The following C16orf89 variants were observed in gnomAD, a reference collection of about 807,000 sequenced individuals.
The protein encoded by C16orf89 is chromosome 16 open reading frame 89.
In C16orf89, 57 loss-of-function variants were observed where a neutral mutation model predicts 41.5. The observed-to-expected ratio is 1.38, with a 90% CI of 1.11 to 1.71. The LOEUF is 1.71. C16orf89 is among the 40% of genes most tolerant of loss of function. The pLI, the probability that C16orf89 is intolerant of heterozygous loss-of-function variation, is 0.00. For missense variants in C16orf89, 575 were observed against 445.9 expected (o/e 1.29, Z -2.61); for synonymous variants, 223 against 190.6 (o/e 1.17, Z -1.40).
At chr16:5,057,122 C>G (rs1261671536) in intron 4 of C16orf89, among the ~76,000 whole-genome samples, 1 of 151,492 alleles carries the variant, frequency 6.6e-6, no homozygotes, top group Non-Finnish European at 1.5e-5. Flanking sequence ...CCTGTAATCC[C>G]AGCTACTTGG....
chr16:5,059,130 C>T (rs942095460), intron 3 of C16orf89, among the ~76,000 whole-genome samples: 2 of 151,970 alleles, frequency 1.3e-5, no homozygotes, highest in Non-Finnish European at 2.9e-5. Flanking sequence ...ATCCCAGCTA[C>T]TCGGGAGGCT....
intron 4 of C16orf89, among the ~76,000 whole-genome samples, chr16:5,056,539 C>G (rs1038167627): frequency 5.3e-5 from 8 of 152,250 alleles, no homozygotes; most frequent in African/African-American, 1.9e-4. Context: ...AATGTGATGC[C>G]TGGGCCACTA....
intron 6 of C16orf89, 105 bp from the exon 7 acceptor site, chr16:5,048,069 G>A: frequency 1.5e-6 from 1 of 677,428 alleles, no homozygotes; most frequent in Non-Finnish European, 2.6e-6. Flanking sequence ...CATTCTATTG[G>A]CCAGGCTGGG....
In C16orf89 at chr16:5,055,257, A is replaced by C. The variant is rs1956472100; in HGVS notation, c.857T>G (p.Phe286Cys). The C allele has an allele frequency of 6.2e-7, 1 of 1,610,506 alleles. No individual in the cohort carries two copies. The highest frequency in any genetic ancestry group is 8.5e-7 in the Non-Finnish European group (1 of 1,177,832). The change falls in exon 6 of 8, where the codon TTC becomes TGC. Residue 286 changes from phenylalanine to cysteine, a missense_variant. Physicochemically the swap from Phe to Cys is radical, Grantham distance 205 (BLOSUM62 -2). Coordinates refer to ENST00000472572, the MANE Select transcript of C16orf89 (RefSeq NM_001098514.3). ...GCAGCGCAGCTCACCAGGCTCCCCG[A>C]AGCATCCTTCCTGCTGTTTCTGCCA... Reference protein sequence around the residue: ...LSWQKQQEGCFGEPDAEDEEL... With the variant: ...LSWQKQQEGCCGEPDAEDEEL...
At chr16:5,044,730 G>A in intron 7 of C16orf89, 1 of 1,003,094 alleles carries the variant, frequency 1.0e-6, no homozygotes, top group Non-Finnish European at 1.4e-6. Context: ...TGTAGTCCCA[G>A]CTACTCGGGA....
At chr16:5,048,260 C>G (rs1167138666) in intron 6 of C16orf89, among the ~76,000 whole-genome samples, 2 of 152,094 alleles carry the variant, frequency 1.3e-5, no homozygotes, top group African/African-American at 4.8e-5. Context: ...GACTTGAACT[C>G]CTGAGCTCAA....
chr16:5,058,690 G>C, intron 3 of C16orf89, 80 bp from the exon 4 acceptor site: 1 of 1,180,268 alleles, frequency 8.5e-7, no homozygotes. Flanking sequence ...AGTTGTAGTT[G>C]TTGGAACTCC....
At chr16:5,060,685 C>T (rs918038002) in intron 2 of C16orf89, among the ~76,000 whole-genome samples, 13 of 152,076 alleles carry the variant, frequency 8.5e-5, no homozygotes, top group African/African-American at 3.1e-4. Flanking sequence ...CCACTGCATC[C>T]CATGGAAACC....
chr16:5,044,730 G>T, intron 7 of C16orf89: 1 of 1,003,092 alleles, frequency 1.0e-6, no homozygotes, highest in Non-Finnish European at 1.4e-6. Flanking sequence ...TGTAGTCCCA[G>T]CTACTCGGGA....
chr16:5,058,591 A>G lies in C16orf89; in HGVS notation c.529T>C (p.Cys177Arg), dbSNP rs1956557079. Residue 177 changes from cysteine (C) to arginine (R), a missense_variant, in exon 4 of 8, where the codon TGC (cysteine) becomes CGC (arginine). Physicochemically the swap from Cys to Arg is radical, Grantham distance 180 (BLOSUM62 -3). Coordinates refer to ENST00000472572, the MANE Select transcript of C16orf89 (RefSeq NM_001098514.3). ...LGTGTDSSEP[C>R]GLSDLCRSLM... is the part of the protein sequence containing the mutation. ...CTCCTGCAGAGGTCTGAGAGGCCGC[A>G]GGGCTCGCTGCTGTCCGTCCTGGGG... 1 of 1,611,938 alleles carries G rather than the reference A, an allele frequency of 6.2e-7. No homozygotes were observed. Among genetic ancestry groups the G allele is most frequent in the African/African-American group, 1.3e-5 (1 of 74,910 alleles).
In C16orf89 at chr16:5,062,277, G is replaced by A. The variant is rs534179011; in HGVS notation, c.358+148C>T. 3.6e-4 allele frequency: 368 copies of A among 1,033,256 alleles called. 1 individual carries two copies. The East Asian group carries it at 6.4e-3, about 18-fold the overall frequency. The allele number at this position is 1,033,256 out of a possible 1,614,324, so 64.0% of individuals were successfully genotyped here. On this transcript the variant is annotated intron_variant, in intron 2 of 7. Coordinates refer to ENST00000472572, the MANE Select transcript of C16orf89 (RefSeq NM_001098514.3). ...GGATGACCGCACGTCCCCAGGGCTC[G>A]TCTGTGGCTTGCTCAGCAGACAGGT...
At chr16:5,057,578 T>C (rs1359804920) in intron 4 of C16orf89, among the ~76,000 whole-genome samples, 1 of 151,474 alleles carries the variant, frequency 6.6e-6, no homozygotes, top group Non-Finnish European at 1.5e-5. Flanking sequence ...GTGGCATATA[T>C]AATGTAGTAG....
intron 1 of C16orf89, among the ~76,000 whole-genome samples, chr16:5,063,995 T>C (rs1416489093): frequency 6.6e-6 from 1 of 151,982 alleles, no homozygotes. Flanking sequence ...GGCGTGGTGG[T>C]GGGTACCTGT....
Position 5,044,295 on chromosome 16 carries a change from AG to A in C16orf89, c.*52del. 6.6e-7 allele frequency: 1 copy of A among 1,517,634 alleles called. No homozygotes were observed. Among genetic ancestry groups the A allele is most frequent in the Non-Finnish European group, 8.8e-7 (1 of 1,134,696 alleles). 94.0% of individuals were successfully genotyped at this position (1,517,634 alleles called of 1,614,324 possible). Reference sequence around the variant, plus strand: ...CGTGCCCTCCAGGATCTAAGGGATGAGGACTAAAGGGGTCTGTTCCTCCTCC... The same window carrying A: ...CGTGCCCTCCAGGATCTAAGGGATGAGACTAAAGGGGTCTGTTCCTCCTCC... On this transcript the variant is annotated 3_prime_UTR_variant, in exon 8 of 8. Transcript: ENST00000472572.
At chr16:5,059,251 A>AAAAT (rs894856981) in intron 3 of C16orf89, among the ~76,000 whole-genome samples, 1 of 151,920 alleles carries the variant, frequency 6.6e-6, no homozygotes, top group African/African-American at 2.4e-5. Context: ...ACTCCATCTC[A>AAAAT]AAATAAATAA....
chr16:5,045,454 T>C (rs1956278217), intron 7 of C16orf89, among the ~76,000 whole-genome samples: 1 of 152,142 alleles, frequency 6.6e-6, no homozygotes, highest in Admixed American at 6.5e-5. Context: ...GCCTCTAGTC[T>C]CACAATCTGT....
chr16:5,048,862 C>T (rs1046521965), intron 6 of C16orf89, among the ~76,000 whole-genome samples: 1 of 151,832 alleles, frequency 6.6e-6, no homozygotes, highest in East Asian at 1.9e-4. Flanking sequence ...TAAGTCCTCA[C>T]AAGCCAATAA....
chr16:5,060,944 C>CTT (rs1320256230), intron 2 of C16orf89, among the ~76,000 whole-genome samples: 1 of 91,576 alleles, frequency 1.1e-5, no homozygotes, highest in Non-Finnish European at 2.3e-5. Flanking sequence ...CTATGATCAG[C>CTT]CTTTTTTTTT....
intron 6 of C16orf89, among the ~76,000 whole-genome samples, chr16:5,051,846 TC>T (rs1349689839): frequency 6.6e-6 from 1 of 152,000 alleles, no homozygotes; most frequent in East Asian, 1.9e-4. Flanking sequence ...ACGCCTATAA[TC>T]CCAGGACTTT....
Sources: gnomAD v4.1 joint callset for allele counts (sites outside exome capture counted in the v4.1 genomes callset) on GRCh38, gnomAD v4.1.1 for gene constraint, MANE v1.5 for transcripts, NCBI Gene and HGNC (gene_info 2026-07-23, HGNC 2026-07-21) for gene names.